The following CELSR1 variants were observed in gnomAD, a reference collection of about 807,000 sequenced individuals.
CELSR1 encodes adhesion G protein-coupled receptor C1.
A neutral mutation model predicts 249.1 loss-of-function variants in CELSR1; 110 were observed. The ratio of observed to expected loss-of-function variants is 0.44; its 90% CI spans 0.38 to 0.52. The LOEUF (loss-of-function observed/expected upper bound fraction) is 0.52, where lower values mean the gene tolerates loss of function less well. CELSR1 is among the 20% of genes least tolerant of loss of function. CELSR1 has a pLI of 0.00. For missense variants in CELSR1, 4,109 were observed against 4,296.4 expected, an observed-to-expected ratio of 0.96 and a Z score of 1.22; for synonymous variants, 2,113 against 1,900.0, an observed-to-expected ratio of 1.11 and a Z score of -2.92.
In CELSR1 at chr22:46,441,167, A is replaced by AG. The variant is rs1383001655; in HGVS notation, c.4184-1757_4184-1756insC. Among the ~76,000 whole-genome samples the AG allele has an allele frequency of 2.6e-5, 4 of 151,404 alleles. No homozygotes were observed. The highest frequency in any genetic ancestry group is 1.9e-4 in the East Asian group (1 of 5,180). On this transcript the variant is annotated intron_variant, in intron 2 of 34. Transcript: ENST00000674500. This position sits in a 1 kb window ranked among gnomAD's most constrained non-coding sequence, Gnocchi z 6.1. ...GACTTCATTTCAAAAAAAAAAAAAA[A>AG]AGAGAGACTGCTATAAAGATGGAAC...
In CELSR1 at chr22:46,517,233, T is replaced by A. The variant is rs2080637186; in HGVS notation, c.3544+16394A>T. Among the ~76,000 whole-genome samples, 1 of 152,238 alleles carries A rather than the reference T, an allele frequency of 6.6e-6. No individual in the cohort carries two copies. The highest frequency in any genetic ancestry group is 2.1e-4 in the South Asian group (1 of 4,838). ...GAAGGGGCTTGGCCCATTTTCCCAC[T>A]GCTCCACCTTTGCTCTGGCAAAAAA... On this transcript the variant is annotated intron_variant, in intron 1 of 34. Transcript: ENST00000674500. This position sits in a 1 kb window ranked among gnomAD's most constrained non-coding sequence, Gnocchi z 5.4.
rs2079573889 is a variant in CELSR1, at chr22:46,429,794, A to G, written c.4611+3599T>C. 6.6e-6 allele frequency among the ~76,000 whole-genome samples: 1 copy of G among 152,152 alleles called. No homozygotes were observed. ...CAGCCCTCTCCTGTGGCTTCTGACC[A>G]TGACCCCTTCTTTCTGGGCTCCAAT... On this transcript the variant is annotated intron_variant, in intron 5 of 34. Coordinates refer to ENST00000674500, the MANE Select transcript of CELSR1 (RefSeq NM_001378328.1). The surrounding 1 kb of genome is among the most constrained non-coding windows in gnomAD (Gnocchi z 4.1).
At position 46,463,778 on chromosome 22, in the gene CELSR1, G is replaced by C. The variant is rs149689667; in HGVS notation, c.4112C>G (p.Pro1371Arg). 1.3e-6 allele frequency: 2 copies of C among 1,583,754 alleles called. No individual in the cohort carries two copies. Among genetic ancestry groups the C allele is most frequent in the South Asian group, 2.3e-5 (2 of 86,636 alleles). Residue 1371 changes from proline to arginine, a missense_variant, in exon 2 of 35, where the codon CCG becomes CGG. This residue lies in a region of CELSR1 where 453 missense variants were observed against 492.0 expected (regional missense o/e 0.92). Transcript: ENST00000674500. ...ETEIDLCYSD[P>R]CGANGRCRSR... The stretch of plus-strand genomic sequence containing the variant: ...GCGGCAGCGGCCGTTGGCGCCGCAC[G>C]GGTCGGAGTAGCAGAGGTCGATCTC...
rs965045375 is a variant in CELSR1 at position 46,369,691 on chromosome 22, C to T, written c.7872+1G>A. ...GACTCCCGTGAAGGCCCCACACTCACGATTATAACAGCTCCGATGGGCCCC... is the reference window on the plus strand; with the variant it reads ...GACTCCCGTGAAGGCCCCACACTCATGATTATAACAGCTCCGATGGGCCCC... On this transcript the variant is annotated splice_donor_variant, in intron 26 of 34. Transcript: ENST00000674500. LOFTEE classifies it high-confidence loss of function. 1.9e-6 allele frequency: 3 copies of T among 1,613,032 alleles called. No individual in the cohort carries two copies. Among genetic ancestry groups the T allele is most frequent in the Non-Finnish European group, 2.5e-6 (3 of 1,179,612 alleles).
chr22:46,366,874 C>T, intron 29 of CELSR1, 119 bp downstream of exon 29: 1 of 1,383,892 alleles, frequency 7.2e-7, no homozygotes, highest in African/African-American at 1.4e-5. Context: ...GGCGGCTCTG[C>T]CATCCCCACC....
intron 2 of CELSR1, among the ~76,000 whole-genome samples, chr22:46,461,776 C>A (rs1017993614): frequency 6.6e-6 from 1 of 152,242 alleles, no homozygotes; most frequent in Non-Finnish European, 1.5e-5. Context: ...TTTCCAGGGA[C>A]CCGCGGCCAC....
chr22:46,476,347 G>A (rs545890743), intron 1 of CELSR1, among the ~76,000 whole-genome samples: 1 of 152,248 alleles, frequency 6.6e-6, no homozygotes, highest in East Asian at 1.9e-4. Flanking sequence ...TGTAATCCCA[G>A]CATTTTGAGA....
chr22:46,436,246 G>A lies in CELSR1; in HGVS notation c.4450C>T (p.Arg1484Cys). 7 of 1,614,118 alleles carry A rather than the reference G, an allele frequency of 4.3e-6. No individual in the cohort carries two copies. Among genetic ancestry groups the A allele is most frequent in the East Asian group, 2.2e-5 (1 of 44,880 alleles). Residue 1484 changes from arginine (R) to cysteine (C), a missense_variant, in exon 4 of 35, where the codon CGC becomes TGC. Transcript: ENST00000674500. The surrounding 1 kb of genome is among the most constrained non-coding windows in gnomAD (Gnocchi z 5.9). ...ATGAAGTCGTGCTTCTCATTGAAGC[G>A]GCCGTTGTAGAGAAGCAAGCCGTTC... ...ERNGLLLYNGRFNEKHDFIAL... is the reference protein window; with the variant it reads ...ERNGLLLYNGCFNEKHDFIAL...
chr22:46,415,571 C>A (rs1177037675), intron 5 of CELSR1, among the ~76,000 whole-genome samples: 2 of 151,936 alleles, frequency 1.3e-5, no homozygotes, highest in Non-Finnish European at 2.9e-5. Context: ...ATACTAGAAG[C>A]CCCTTTAAAG....
Position 46,362,052 on chromosome 22 carries a change from GC to G in CELSR1, c.*1170del, listed in dbSNP as rs534981313. The G allele has an allele frequency of 2.8e-3, 427 of 152,388 alleles. 5 individuals are homozygous for G. The highest frequency in any genetic ancestry group is 0.01 in the African/African-American group (420 of 41,584). 9.4% of individuals were successfully genotyped at this position (152,388 alleles called of 1,614,324 possible). A position where few individuals can be genotyped will look rare whatever the true frequency, so the allele number is the denominator to read the frequency against. On this transcript the variant is annotated 3_prime_UTR_variant, in exon 35 of 35. Coordinates refer to ENST00000674500, the MANE Select transcript of CELSR1 (RefSeq NM_001378328.1). ...GTCAGACTCCAGAGGGGAGAACCCT[GC>G]CTGGAGATCCTCGCAGTCTCAGAGA...
chr22:46,442,495 GC>G (rs1359426166), intron 2 of CELSR1, among the ~76,000 whole-genome samples: 3 of 152,150 alleles, frequency 2.0e-5, no homozygotes, highest in Non-Finnish European at 2.9e-5. Context: ...GCCCCTCCCT[GC>G]CCCCAGCTGT....
chr22:46,386,354 A>G, intron 19 of CELSR1, 48 bp downstream of exon 19: 1 of 1,459,404 alleles, frequency 6.9e-7, no homozygotes, highest in South Asian at 1.4e-5. Flanking sequence ...TCTGGGGCAC[A>G]CCCCTGATGG....
rs927005089 is a variant in CELSR1 at position 46,385,972 on chromosome 22, C to T, written c.6739+430G>A. On this transcript the variant is annotated intron_variant, in intron 19 of 34. Transcript: ENST00000674500. ...GATTACAGGCGTGAGCCACCGCGCC[C>T]GGCTTTTTTTTTTTTGAGATGGAGT... Among the ~76,000 whole-genome samples, 25 of 109,784 alleles carry T rather than the reference C, an allele frequency of 2.3e-4. 2 individuals are homozygous for T. The highest frequency in any genetic ancestry group is 7.9e-4 in the East Asian group (4 of 5,082). 72.0% of individuals were successfully genotyped at this position (109,784 alleles called of 152,430 possible). A position where few individuals can be genotyped will look rare whatever the true frequency, so the allele number is the denominator to read the frequency against.
Position 46,398,335 on chromosome 22 carries a change from A to G in CELSR1, c.5526+189T>C, listed in dbSNP as rs2147280275. On this transcript the variant is annotated intron_variant, in intron 11 of 34. Transcript: ENST00000674500. The surrounding 1 kb of genome is among the most constrained non-coding windows in gnomAD (Gnocchi z 7.2). ...GGGGGCCAGGGACGGCCCGGATGCC[A>G]AGGGGAACCGCAGGGGAGAATGGGT... Among the ~76,000 whole-genome samples the G allele has an allele frequency of 6.6e-6, 1 of 152,114 alleles. No individual in the cohort carries two copies. The highest frequency in any genetic ancestry group is 1.9e-4 in the East Asian group (1 of 5,190).
intron 2 of CELSR1, among the ~76,000 whole-genome samples, 165 bp downstream of exon 2, chr22:46,463,541 AC>A (rs1386092170): frequency 2.0e-5 from 3 of 146,618 alleles, no homozygotes; most frequent in African/African-American, 7.5e-5. Flanking sequence ...AAAAAAAAGT[AC>A]CGTTACTGAG....
At chr22:46,503,680 A>T (rs2080487311) in intron 1 of CELSR1, among the ~76,000 whole-genome samples, 1 of 152,230 alleles carries the variant, frequency 6.6e-6, no homozygotes, top group African/African-American at 2.4e-5. Context: ...GAAGTTAAGC[A>T]AGTTGTCCAA....
rs957871501 is a variant in CELSR1 at position 46,390,681 on chromosome 22, A to T, written c.6251-195T>A. ...CGGCCGAAGCTGCTCTGACACTGAC[A>T]ACCAGGCGTTTCGGGAGCCCAGCCA... On this transcript the variant is annotated intron_variant, in intron 16 of 34. Transcript: ENST00000674500. The surrounding 1 kb of genome is among the most constrained non-coding windows in gnomAD (Gnocchi z 6.3). Among the ~76,000 whole-genome samples, 5 of 152,292 alleles carry T rather than the reference A, an allele frequency of 3.3e-5. No homozygotes were observed. The East Asian group carries it at 9.7e-4, about 29-fold the overall frequency.
chr22:46,415,429 C>T (rs888743218), intron 5 of CELSR1, among the ~76,000 whole-genome samples: 1 of 152,140 alleles, frequency 6.6e-6, no homozygotes, highest in Non-Finnish European at 1.5e-5. Flanking sequence ...GGATTACAGG[C>T]ATGAGCCACC....
Position 46,471,871 on chromosome 22 carries a change from A to G in CELSR1, c.3545-7526T>C, listed in dbSNP as rs922160417. On this transcript the variant is annotated intron_variant, in intron 1 of 34. Coordinates refer to ENST00000674500, the MANE Select transcript of CELSR1 (RefSeq NM_001378328.1). The surrounding 1 kb of genome is among the most constrained non-coding windows in gnomAD (Gnocchi z 4.9). ...AGCCTTCCCTGGGTCTGGGACCTGT[A>G]CAGTTTTCAGGGGCTGCGGTCTGTG... Among the ~76,000 whole-genome samples the G allele has an allele frequency of 5.3e-5, 8 of 152,174 alleles. No individual in the cohort carries two copies. Among genetic ancestry groups the G allele is most frequent in the African/African-American group, 1.9e-4 (8 of 41,516 alleles).
Sources: gnomAD v4.1 joint callset for allele counts (sites outside exome capture counted in the v4.1 genomes callset) on GRCh38, gnomAD v4.1.1 for gene constraint, gnomAD v4.1.1 regional missense constraint, Gnocchi (gnomAD v3.1) non-coding constraint, MANE v1.5 for transcripts, NCBI Gene and HGNC (gene_info 2026-07-23, HGNC 2026-07-21) for gene names.